SENP7: variants seen among roughly 807,000 people sequenced by gnomAD.
SENP7 encodes sentrin-specific protease 7.
Under a neutral mutation model 141.2 loss-of-function variants are expected in SENP7, and 64 were observed. The ratio of observed to expected loss-of-function variants is 0.45; its 90% CI spans 0.37 to 0.56. SENP7 has a LOEUF of 0.56. Ranked by LOEUF, SENP7 falls within the 20% of genes least tolerant of loss-of-function variation. SENP7 has a pLI of 0.00. For synonymous variants in SENP7, 382 were observed against 426.4 expected (o/e 0.90, Z 1.28); for missense variants, 1,025 against 1,212.2 (o/e 0.85, Z 2.29).
chr3:101,329,673 C>T (rs907488260), intron 20 of SENP7, among the ~76,000 whole-genome samples: 1 of 150,506 alleles, frequency 6.6e-6, no homozygotes, highest in African/African-American at 2.4e-5. Flanking sequence ...CTCGGTGGCT[C>T]ACGCCTCTAA....
chr3:101,487,896 T>G (rs2064797226), intron 3 of SENP7, among the ~76,000 whole-genome samples: 1 of 152,232 alleles, frequency 6.6e-6, no homozygotes, highest in Non-Finnish European at 1.5e-5. Context: ...GGTACTGTGA[T>G]GCCTCCAGCT....
chr3:101,423,062 C>A (rs983791535), intron 4 of SENP7, among the ~76,000 whole-genome samples: 7 of 152,002 alleles, frequency 4.6e-5, no homozygotes, highest in African/African-American at 1.4e-4. Flanking sequence ...TGTTTTCATG[C>A]CTTTTGTCAT....
intron 5 of SENP7, among the ~76,000 whole-genome samples, chr3:101,415,950 AT>A (rs2061607450): frequency 6.6e-6 from 1 of 152,238 alleles, no homozygotes; most frequent in Non-Finnish European, 1.5e-5. Flanking sequence ...CCCCAAAAAA[AT>A]ATATATATGT....
At chr3:101,509,778 T>G (rs1216440530) in intron 1 of SENP7, among the ~76,000 whole-genome samples, 2 of 152,192 alleles carry the variant, frequency 1.3e-5, no homozygotes, top group Non-Finnish European at 2.9e-5. Flanking sequence ...GTAAATGAAG[T>G]TAAAACTATA....
intron 5 of SENP7, among the ~76,000 whole-genome samples, chr3:101,404,383 T>C (rs747509011): frequency 6.6e-5 from 10 of 152,266 alleles, no homozygotes; most frequent in Non-Finnish European, 5.9e-5. Flanking sequence ...AAATTGAAAT[T>C]GAACCCGATT....
chr3:101,366,869 T>TATA, intron 8 of SENP7, 100 bp from the exon 9 acceptor site: 1 of 696,742 alleles, frequency 1.4e-6, no homozygotes, highest in Admixed American at 3.0e-5. Flanking sequence ...ATATCACTTC[T>TATA]ATAACTACAT....
chr3:101,488,892 C>T (rs1031837778), intron 3 of SENP7, among the ~76,000 whole-genome samples: 3 of 152,154 alleles, frequency 2.0e-5, no homozygotes, highest in African/African-American at 7.2e-5. Flanking sequence ...AAGAAAAAAT[C>T]TTAAAGGCAG....
At chr3:101,364,438 C>A (rs1011443836) in intron 10 of SENP7, among the ~76,000 whole-genome samples, 2 of 152,150 alleles carry the variant, frequency 1.3e-5, no homozygotes, top group African/African-American at 2.4e-5. Context: ...GTTCTTTCCT[C>A]TATATCATAC....
chr3:101,326,100 A>C lies in SENP7; in HGVS notation c.3016-20T>G, dbSNP rs368420533. 3.2e-6 allele frequency: 5 copies of C among 1,553,952 alleles called. No individual in the cohort carries two copies. The African/African-American group carries it at 6.9e-5, about 22-fold the overall frequency. The stretch of plus-strand genomic sequence containing the variant: ...AGGATCCTAATGAGAGGAAAAAAAG[A>C]GTGTAATCACTTTAGCAGCATAATT... On this transcript the variant is annotated intron_variant, in intron 23 of 23. Coordinates refer to ENST00000394095, the MANE Select transcript of SENP7 (RefSeq NM_020654.5).
intron 5 of SENP7, among the ~76,000 whole-genome samples, chr3:101,407,933 C>G (rs1364422792): frequency 6.6e-6 from 1 of 151,750 alleles, no homozygotes; most frequent in African/African-American, 2.4e-5. Context: ...CAAGCAAGAT[C>G]AGAGCAGAAC....
At chr3:101,462,344 C>A (rs1171754097) in intron 3 of SENP7, among the ~76,000 whole-genome samples, 1 of 151,926 alleles carries the variant, frequency 6.6e-6, no homozygotes, top group Non-Finnish European at 1.5e-5. Context: ...GAGTTTGAGA[C>A]CAGCCTGACC....
chr3:101,389,537 G>A (rs1404129021), intron 6 of SENP7, among the ~76,000 whole-genome samples: 4 of 152,006 alleles, frequency 2.6e-5, no homozygotes, highest in African/African-American at 9.7e-5. Context: ...GCCAGCCAAG[G>A]ATACCATACC....
At chr3:101,508,465 G>C (rs753649796) in intron 1 of SENP7, among the ~76,000 whole-genome samples, 1 of 152,102 alleles carries the variant, frequency 6.6e-6, no homozygotes, top group Non-Finnish European at 1.5e-5. Context: ...CAGGCGTGGT[G>C]GCGGGCTCCT....
intron 4 of SENP7, among the ~76,000 whole-genome samples, chr3:101,426,063 G>A (rs948644770): frequency 4.6e-5 from 7 of 152,096 alleles, no homozygotes; most frequent in Admixed American, 2.6e-4. Flanking sequence ...ATGGAGAGAT[G>A]GTAACCAACA....
At chr3:101,327,840 T>G in intron 22 of SENP7, 24 bp from the exon 23 acceptor site, 1 of 1,533,886 alleles carries the variant, frequency 6.5e-7, no homozygotes, top group Non-Finnish European at 8.9e-7. Flanking sequence ...CAAATAAGAG[T>G]GACTAAAGTA....
intron 5 of SENP7, among the ~76,000 whole-genome samples, chr3:101,400,843 C>T (rs1043435877): frequency 3.3e-5 from 5 of 152,022 alleles, no homozygotes; most frequent in African/African-American, 9.7e-5. Context: ...ACCTGCAATC[C>T]CAGCACTTTG....
rs745668497 is a variant in SENP7, at chr3:101,372,115, C to T, written c.689G>A (p.Arg230Gln). 15 of 1,540,892 alleles carry T rather than the reference C, an allele frequency of 9.7e-6. No individual in the cohort carries two copies. Among genetic ancestry groups the T allele is most frequent in the East Asian group, 9.1e-5 (4 of 44,086 alleles). ...AGAATTGTCATCTACTGTCTTACTT[C>T]GTTGTGAGCCCCTGCAAAAGAGAAC... ...SCYLSERGSQRSKTVDDNSAK... is the reference protein window; with the variant it reads ...SCYLSERGSQQSKTVDDNSAK... Residue 230 changes from arginine (R) to glutamine (Q), a missense_variant, in exon 7 of 24, where the codon CGA becomes CAA. By Grantham distance (43) the Arg-to-Gln change is conservative. Coordinates refer to ENST00000394095, the MANE Select transcript of SENP7 (RefSeq NM_020654.5).
chr3:101,459,590 GTTTC>G (rs769680450), intron 3 of SENP7, among the ~76,000 whole-genome samples: 1 of 152,114 alleles, frequency 6.6e-6, no homozygotes, highest in Non-Finnish European at 1.5e-5. Context: ...CTATGCCTTA[GTTTC>G]TTTATCTGAA....
chr3:101,327,631 C>A, intron 23 of SENP7, 35 bp downstream of exon 23: 1 of 1,539,984 alleles, frequency 6.5e-7, no homozygotes, highest in East Asian at 2.3e-5. Context: ...ATGGTGGTAA[C>A]TGTGAATTAA....
Sources: gnomAD v4.1 joint callset for allele counts (sites outside exome capture counted in the v4.1 genomes callset) on GRCh38, gnomAD v4.1.1 for gene constraint, MANE v1.5 for transcripts, NCBI Gene and HGNC (gene_info 2026-07-23, HGNC 2026-07-21) for gene names.